The following LARS1 variants were observed in gnomAD, a reference collection of about 807,000 sequenced individuals.
The protein encoded by LARS1 is leucyl-tRNA synthetase 1, also known as leucine--tRNA ligase, cytoplasmic.
LARS1 carries 100 observed loss-of-function variants against 162.8 expected under a neutral mutation model. The ratio of observed to expected loss-of-function variants is 0.61; its 90% CI spans 0.52 to 0.73. The LOEUF is 0.73. Ranked by LOEUF, LARS1 falls within the 30% of genes least tolerant of loss-of-function variation. LARS1 has a pLI of 0.00. For missense variants in LARS1, 1,258 were observed against 1,408.9 expected (o/e 0.89, Z 1.71); for synonymous variants, 457 against 462.8 (o/e 0.99, Z 0.16).
chr5:146,128,951 T>C, intron 26 of LARS1, 27 bp downstream of exon 26: 1 of 1,549,786 alleles, frequency 6.5e-7, no homozygotes, highest in Non-Finnish European at 8.7e-7. Flanking sequence ...GAATAATCCT[T>C]TAAAAAAAAA....
rs757098501 is a variant in LARS1, at chr5:146,153,820, CAA to C, written c.1154-12_1154-11del. On this transcript the variant is annotated splice_polypyrimidine_tract_variant and intron_variant, in intron 11 of 31. Transcript: ENST00000394434. ...GTAACCACACCAGTGCCTTAGAAAACAAAGTGTGGAATTAATAACTAGAACCA... is the reference window on the plus strand; with the variant it reads ...GTAACCACACCAGTGCCTTAGAAAACAGTGTGGAATTAATAACTAGAACCA... 6 of 1,613,380 alleles carry C rather than the reference CAA, an allele frequency of 3.7e-6. No individual in the cohort carries two copies. The African/African-American group carries it at 8.0e-5, about 22-fold the overall frequency.
At position 146,172,005 on chromosome 5, in the gene LARS1, T is replaced by A; in HGVS notation, c.214-15A>T. ...CCTACAGCAAACTACAGAAATAAAATTAAATTTAAATTGCAAATTTAAATG... is the reference window on the plus strand; with the variant it reads ...CCTACAGCAAACTACAGAAATAAAAATAAATTTAAATTGCAAATTTAAATG... On this transcript the variant is annotated splice_polypyrimidine_tract_variant and intron_variant, in intron 3 of 31. Transcript: ENST00000394434. 6.3e-7 allele frequency: 1 copy of A among 1,586,218 alleles called. No individual in the cohort carries two copies. The highest frequency in any genetic ancestry group is 1.1e-5 in the South Asian group (1 of 88,572).
At chr5:146,156,193 T>C (rs1364057731) in intron 10 of LARS1, among the ~76,000 whole-genome samples, 2 of 152,220 alleles carry the variant, frequency 1.3e-5, no homozygotes, top group Non-Finnish European at 2.9e-5. Context: ...ACCTCTAGAA[T>C]GGGGAACTTT....
intron 5 of LARS1, among the ~76,000 whole-genome samples, chr5:146,167,202 A>G (rs1418900463): frequency 3.9e-5 from 6 of 152,234 alleles, no homozygotes; most frequent in Non-Finnish European, 5.9e-5. Context: ...ATTGGAAGAG[A>G]AAAGGACATT....
chr5:146,116,970 G>A (rs1751577294), intron 31 of LARS1, among the ~76,000 whole-genome samples: 1 of 152,108 alleles, frequency 6.6e-6, no homozygotes, highest in Non-Finnish European at 1.5e-5. Context: ...GGCATCCTGA[G>A]GGCTTTTGGT....
chr5:146,167,554 C>A (rs556030813), intron 5 of LARS1, among the ~76,000 whole-genome samples: 2 of 152,274 alleles, frequency 1.3e-5, no homozygotes, highest in African/African-American at 4.8e-5. Flanking sequence ...CAGGCGCCCA[C>A]CACCACGCCC....
rs74548920 is a variant in LARS1 at position 146,118,139 on chromosome 5, T to C, written c.3325+2232A>G. 4.3e-4 allele frequency among the ~76,000 whole-genome samples: 66 copies of C among 152,122 alleles called. 1 individual carries two copies. The highest frequency in any genetic ancestry group is 1.6e-3 in the African/African-American group (65 of 41,494). On this transcript the variant is annotated intron_variant, in intron 31 of 31. Coordinates refer to ENST00000394434, the MANE Select transcript of LARS1 (RefSeq NM_020117.11). ...ACCTAAGTGTCCATCAACGGATGAA[T>C]GAAAAGAGAAAATGTGGTAAACAAT...
intron 20 of LARS1, among the ~76,000 whole-genome samples, chr5:146,142,093 G>C (rs1337838852): frequency 3.3e-5 from 5 of 152,064 alleles, no homozygotes; most frequent in Non-Finnish European, 5.9e-5. Flanking sequence ...CCAGGAGGCG[G>C]AGGTTGCAGT....
chr5:146,113,834 C>A lies in LARS1; in HGVS notation c.*272G>T. ...ACACTTTTATGTTCATCTTAAAAAC[C>A]AGAAACTTCTAGGAAATAGCAACAA... On this transcript the variant is annotated 3_prime_UTR_variant, in exon 32 of 32. Coordinates refer to ENST00000394434, the MANE Select transcript of LARS1 (RefSeq NM_020117.11). The A allele has an allele frequency of 7.7e-6, 3 of 389,048 alleles. No individual in the cohort carries two copies. Among genetic ancestry groups the A allele is most frequent in the Non-Finnish European group, 1.4e-5 (3 of 214,258 alleles). 24.1% of individuals were successfully genotyped at this position (389,048 alleles called of 1,614,324 possible).
At chr5:146,165,824 G>A (rs1190850925) in intron 5 of LARS1, among the ~76,000 whole-genome samples, 29 of 152,144 alleles carry the variant, frequency 1.9e-4, no homozygotes, top group Non-Finnish European at 2.9e-5. Context: ...ACTACTAGTA[G>A]TCTAGGATGG....
At chr5:146,140,296 AAAAC>A (rs771033093) in intron 20 of LARS1, 35 bp from the exon 21 acceptor site, 1 of 1,548,706 alleles carries the variant, frequency 6.5e-7, no homozygotes, top group East Asian at 2.2e-5. Context: ...AGAAAATAAA[AAAAC>A]AAAGATGATA....
In LARS1 at chr5:146,127,343, T is replaced by A. The variant is rs370541575; in HGVS notation, c.2881-798A>T. Among the ~76,000 whole-genome samples the A allele has an allele frequency of 3.3e-5, 5 of 152,106 alleles. No individual in the cohort carries two copies. The East Asian group carries it at 7.7e-4, about 23-fold the overall frequency. ...AAAGAAAAAGGGTGGGAAACACTCC[T>A]TTGCCTTATGTCACCAAAATGGTGC... On this transcript the variant is annotated intron_variant, in intron 27 of 31. Coordinates refer to ENST00000394434, the MANE Select transcript of LARS1 (RefSeq NM_020117.11).
At chr5:146,175,540 CAAAA>C (rs869050326) in intron 2 of LARS1, among the ~76,000 whole-genome samples, 3 of 64,750 alleles carry the variant, frequency 4.6e-5, no homozygotes, top group Admixed American at 1.6e-4. Context: ...GACTCCACCT[CAAAA>C]AAAAAAAAAA....
chr5:146,132,077 A>T (rs1419726464), intron 23 of LARS1: 2 of 152,204 alleles, frequency 1.3e-5, no homozygotes, highest in East Asian at 3.9e-4. Context: ...TGGGAGACTG[A>T]GGCAGGTGGA....
chr5:146,161,773 G>C, intron 6 of LARS1, among the ~76,000 whole-genome samples: 1 of 145,524 alleles, frequency 6.9e-6, no homozygotes, highest in South Asian at 2.2e-4. Flanking sequence ...AAAAAAATTT[G>C]GAGTGAATCC....
At chr5:146,124,180 T>A (rs1169210923) in intron 28 of LARS1, 94 bp from the exon 29 acceptor site, 2 of 793,048 alleles carry the variant, frequency 2.5e-6, no homozygotes, top group South Asian at 3.0e-5. Flanking sequence ...TCTCAACTGA[T>A]AAAATCTTCA....
intron 29 of LARS1, 144 bp from the exon 30 acceptor site, chr5:146,122,731 A>T (rs1290579228): frequency 4.5e-6 from 2 of 440,326 alleles, no homozygotes; most frequent in East Asian, 6.7e-5. Context: ...CCATATAAAT[A>T]TTAAATGAAA....
In LARS1 at chr5:146,154,940, G is replaced by A. The variant is rs186126616; in HGVS notation, c.1066-960C>T. ...ATGATCTCGGCTCACTGCAACCTCC[G>A]CCTCCCAGGTTCCAGCGATTCCTGC... is the stretch of plus-strand genomic sequence containing the variant. On this transcript the variant is annotated intron_variant, in intron 10 of 31. Coordinates refer to ENST00000394434, the MANE Select transcript of LARS1 (RefSeq NM_020117.11). Among the ~76,000 whole-genome samples the A allele has an allele frequency of 2.5e-3, 371 of 151,266 alleles. 4 individuals are homozygous for A. The highest frequency in any genetic ancestry group is 8.7e-3 in the African/African-American group (358 of 41,218).
chr5:146,129,987 C>G, intron 25 of LARS1, 31 bp downstream of exon 25: 1 of 1,579,158 alleles, frequency 6.3e-7, no homozygotes, highest in Non-Finnish European at 8.6e-7. Flanking sequence ...AAATCAAAAC[C>G]ACTCGAAACA....
Sources: gnomAD v4.1 joint callset for allele counts (sites outside exome capture counted in the v4.1 genomes callset) on GRCh38, gnomAD v4.1.1 for gene constraint, MANE v1.5 for transcripts, NCBI Gene and HGNC (gene_info 2026-07-23, HGNC 2026-07-21) for gene names.